Variants in ALOX15 observed in about 807,000 individuals in gnomAD.
ALOX15 encodes polyunsaturated fatty acid lipoxygenase ALOX15.
Under a neutral mutation model 71.7 loss-of-function variants are expected in ALOX15, and 68 were observed. The ratio of observed to expected loss-of-function variants is 0.95; its 90% CI spans 0.78 to 1.16. The LOEUF is 1.16. Among genes scored for constraint, ALOX15 ranks in the 50% most tolerant of loss-of-function variants. ALOX15 has a pLI of 0.00. For synonymous variants in ALOX15, 346 were observed against 333.3 expected (o/e 1.04, Z -0.42); for missense variants, 798 against 818.8 (o/e 0.97, Z 0.31).
At chr17:4,639,714 C>T in intron 1 of ALOX15, 83 bp from the exon 2 acceptor site, 2 of 1,355,674 alleles carry the variant, frequency 1.5e-6, no homozygotes, top group Non-Finnish European at 2.0e-6. Context: ...CCAGCGCCCA[C>T]GCCCTTCCTC....
At chr17:4,640,735 C>T (rs1911292520) in intron 1 of ALOX15, among the ~76,000 whole-genome samples, 1 of 151,300 alleles carries the variant, frequency 6.6e-6, no homozygotes, top group Non-Finnish European at 1.5e-5. Flanking sequence ...CGCGGGCGGT[C>T]GGGGGCGGGA....
At chr17:4,634,729 A>T (rs1321713504) in intron 8 of ALOX15, among the ~76,000 whole-genome samples, 1 of 152,046 alleles carries the variant, frequency 6.6e-6, no homozygotes, top group Non-Finnish European at 1.5e-5. Flanking sequence ...CTGTAATCCC[A>T]ACACTTTGGG....
Position 4,632,390 on chromosome 17 carries a change from C to A in ALOX15, c.1541-109G>T, listed in dbSNP as rs553967871. 7 of 885,108 alleles carry A rather than the reference C, an allele frequency of 7.9e-6. No individual in the cohort carries two copies. The South Asian group carries it at 1.0e-4, about 13-fold the overall frequency. The allele number at this position is 885,108 out of a possible 1,614,324, so 54.8% of individuals were successfully genotyped here. ...GGCGAGAAAGAGCGGCAGGAATGCT[C>A]AGTTAACTCTTACAGGAATTACCAT... On this transcript the variant is annotated intron_variant, in intron 11 of 13. Coordinates refer to ENST00000293761, the MANE Select transcript of ALOX15 (RefSeq NM_001140.5).
intron 6 of ALOX15, 85 bp downstream of exon 6, chr17:4,638,132 C>A: frequency 3.4e-6 from 2 of 580,610 alleles, no homozygotes; most frequent in Non-Finnish European, 6.2e-6. Flanking sequence ...GCAAGCCAGG[C>A]CCACAGTGGG....
At chr17:4,631,855 T>C in intron 13 of ALOX15, 34 bp downstream of exon 13, 1 of 1,607,418 alleles carries the variant, frequency 6.2e-7, no homozygotes. Context: ...CACAGCTGCC[T>C]CCTTCCTTAG....
intron 1 of ALOX15, 95 bp downstream of exon 1, chr17:4,641,422 C>T: frequency 2.0e-6 from 3 of 1,513,750 alleles, no homozygotes; most frequent in Non-Finnish European, 2.7e-6. Context: ...CAAAGAGAAT[C>T]GGCCAGAGGC....
At chr17:4,635,995 G>T in intron 7 of ALOX15, 27 bp from the exon 8 acceptor site, 4 of 1,608,292 alleles carry the variant, frequency 2.5e-6, no homozygotes, top group Non-Finnish European at 3.4e-6. Flanking sequence ...TGTGGGGAGA[G>T]AAGGCATGAG....
chr17:4,633,173 G>A lies in ALOX15; in HGVS notation c.1391C>T (p.Ala464Val), dbSNP rs143347429. ...ATAGATGATTTCCCAGAGCCGCAGC[G>A]CATCTTGGGCATAGAAGGAAGACTT... ...GVKSSFYAQD[A>V]LRLWEIIYRY... The change falls in exon 10 of 14, where the codon GCG becomes GTG. Residue 464 changes from alanine (A) to valine (V), a missense_variant. By Grantham distance (64) the Ala-to-Val change is moderately conservative. This residue lies in a region of ALOX15 where 490 missense variants were observed against 509.4 expected (regional missense o/e 0.96). Coordinates refer to ENST00000293761, the MANE Select transcript of ALOX15 (RefSeq NM_001140.5). 1.7e-5 allele frequency: 28 copies of A among 1,613,948 alleles called. No homozygotes were observed. Among genetic ancestry groups the A allele is most frequent in the East Asian group, 8.9e-5 (4 of 44,896 alleles).
chr17:4,639,207 G>T (rs144883047), intron 2 of ALOX15, 75 bp from the exon 3 acceptor site: 246 of 1,565,832 alleles, frequency 1.6e-4, no homozygotes, highest in East Asian at 1.3e-3. Context: ...GAGAGCCTCA[G>T]CACCCCGTCC....
At chr17:4,640,429 G>C (rs550747592) in intron 1 of ALOX15, among the ~76,000 whole-genome samples, 1 of 146,078 alleles carries the variant, frequency 6.8e-6, no homozygotes, top group African/African-American at 2.7e-5. Flanking sequence ...CCAGGCACCA[G>C]AGCTGTGTGG....
In ALOX15 at chr17:4,632,929, T is replaced by G; in HGVS notation, c.1472A>C (p.Asp491Ala). Residue 491 changes from aspartate (D) to alanine (A), a missense_variant, in exon 11 of 14, where the codon GAC (aspartate) becomes GCC (alanine). Asp to Ala is a moderately radical substitution (Grantham distance 126). Coordinates refer to ENST00000293761, the MANE Select transcript of ALOX15 (RefSeq NM_001140.5). ...LHYKTDVAVK[D>A]DPELQTWCRE... ...ACACCAGGTCTGCAGCTCTGGGTCGTCTTTCACAGCCACGTCTGTCTTATA... is the reference window on the plus strand; with the variant it reads ...ACACCAGGTCTGCAGCTCTGGGTCGGCTTTCACAGCCACGTCTGTCTTATA... The G allele has an allele frequency of 1.2e-6, 2 of 1,614,092 alleles. No homozygotes were observed. The highest frequency in any genetic ancestry group is 8.5e-7 in the Non-Finnish European group (1 of 1,180,016).
rs1911243314 is a variant in ALOX15 at position 4,639,545 on chromosome 17, GTCGTCCT to G, written c.215_221del (p.Lys72ThrfsTer33). 1 of 1,613,840 alleles carries G rather than the reference GTCGTCCT, an allele frequency of 6.2e-7. No individual in the cohort carries two copies. Among genetic ancestry groups the G allele is most frequent in the African/African-American group, 1.3e-5 (1 of 74,926 alleles). On this transcript the variant is annotated frameshift_variant, in exon 2 of 14. Coordinates refer to ENST00000293761, the MANE Select transcript of ALOX15 (RefSeq NM_001140.5). LOFTEE classifies it high-confidence loss of function. Reference sequence around the variant, plus strand: ...CAGAGATCCAGTTGCAGAACCAGGCGTCGTCCTTAAGGAGGTGCCGTTTGCGCAGTTT... The same window carrying G: ...CAGAGATCCAGTTGCAGAACCAGGCGTAAGGAGGTGCCGTTTGCGCAGTTT...
At position 4,631,797 on chromosome 17, in the gene ALOX15, A is replaced by G; in HGVS notation, c.1810-18T>C. 1 of 1,613,520 alleles carries G rather than the reference A, an allele frequency of 6.2e-7. No individual in the cohort carries two copies. The highest frequency in any genetic ancestry group is 1.1e-5 in the South Asian group (1 of 91,062). On this transcript the variant is annotated intron_variant, in intron 13 of 13. Coordinates refer to ENST00000293761, the MANE Select transcript of ALOX15 (RefSeq NM_001140.5). ...ACAGCCACCTGGGAGGGAGAGGAAAAGGTGGCTGAGAGCCTTATGACCCCC... is the reference window on the plus strand; with the variant it reads ...ACAGCCACCTGGGAGGGAGAGGAAAGGGTGGCTGAGAGCCTTATGACCCCC...
chr17:4,637,273 A>G lies in ALOX15; in HGVS notation c.808-15T>C. The G allele has an allele frequency of 1.9e-6, 3 of 1,603,792 alleles. No homozygotes were observed. The highest frequency in any genetic ancestry group is 2.6e-6 in the Non-Finnish European group (3 of 1,173,270). ...AGTGTGCCTCCCTGGGTGGGGGAAG[A>G]GGTCAAGGGCTGCTATCAACATAAA... On this transcript the variant is annotated splice_polypyrimidine_tract_variant and intron_variant, in intron 6 of 13. Coordinates refer to ENST00000293761, the MANE Select transcript of ALOX15 (RefSeq NM_001140.5).
chr17:4,635,880 A>T lies in ALOX15; in HGVS notation c.1040T>A (p.Val347Glu), dbSNP rs1360542955. 12 of 1,614,088 alleles carry T rather than the reference A, an allele frequency of 7.4e-6. No individual in the cohort carries two copies. The highest frequency in any genetic ancestry group is 1.3e-5 in the African/African-American group (1 of 74,932). ...ATGGAGCTGGAAGTCAGAGCTGCGC[A>T]CCCAGCATTTGGCCAGAAGCCAGGC... ...PMAWLLAKCW[V>E]RSSDFQLHEL... The change falls in exon 8 of 14, where the codon GTG (valine) becomes GAG (glutamate). Residue 347 changes from valine to glutamate, a missense_variant. By Grantham distance (121) the Val-to-Glu change is moderately radical. Coordinates refer to ENST00000293761, the MANE Select transcript of ALOX15 (RefSeq NM_001140.5).
In ALOX15 at chr17:4,635,923, G is replaced by T. The variant is rs1371696436; in HGVS notation, c.997C>A (p.Pro333Thr). The part of the protein sequence containing the change: ...TGSPPPPLFL[P>T]TDPPMAWLLA... ...AGCCAGGCCATTGGGGGATCCGTAGGCAAGAAAAGGGGAGGTGGTGGGGAT... is the reference window on the plus strand; with the variant it reads ...AGCCAGGCCATTGGGGGATCCGTAGTCAAGAAAAGGGGAGGTGGTGGGGAT... Residue 333 changes from proline (P) to threonine (T), a missense_variant, in exon 8 of 14, where the codon CCT (proline) becomes ACT (threonine). This residue lies in a region of ALOX15 where 490 missense variants were observed against 509.4 expected (regional missense o/e 0.96). Transcript: ENST00000293761. The T allele has an allele frequency of 1.2e-6, 2 of 1,614,216 alleles. No individual in the cohort carries two copies. Among genetic ancestry groups the T allele is most frequent in the South Asian group, 2.2e-5 (2 of 91,090 alleles).
Position 4,637,244 on chromosome 17 carries a change from G to A in ALOX15, c.822C>T (p.Phe274=), listed in dbSNP as rs146411013. Residue 274 remains phenylalanine (F), a synonymous_variant, in exon 7 of 14, where the codon TTC becomes TTT. Transcript: ENST00000293761. The part of the protein sequence containing the change: ...LEKELEGGTL[F]EADFSLLDGI... ...CATCCAGCAGGGAGAAGTCAGCTTC[G>A]AACAGTGTGCCTCCCTGGGTGGGGG... The A allele has an allele frequency of 1.2e-5, 20 of 1,612,928 alleles. No individual in the cohort carries two copies. Among genetic ancestry groups the A allele is most frequent in the African/African-American group, 8.0e-5 (6 of 74,912 alleles).
chr17:4,632,307 G>A, intron 11 of ALOX15, 26 bp from the exon 12 acceptor site: 1 of 1,597,322 alleles, frequency 6.3e-7, no homozygotes, highest in Non-Finnish European at 8.6e-7. Context: ...AGAGTTAGAA[G>A]CTGCGAAGGC....
At chr17:4,641,494 C>T in intron 1 of ALOX15, 23 bp downstream of exon 1, 1 of 1,604,652 alleles carries the variant, frequency 6.2e-7, no homozygotes, top group South Asian at 1.1e-5. Flanking sequence ...GCAGCCCACC[C>T]CGCCCGGCTC....
Sources: allele counts gnomAD v4.1 joint callset (sites outside exome capture counted in the v4.1 genomes callset), GRCh38; gene constraint gnomAD v4.1.1; regional missense constraint gnomAD v4.1.1; transcripts MANE v1.5; gene names NCBI Gene and HGNC (gene_info 2026-07-23, HGNC 2026-07-21).